The following KIRREL3 variants were observed in gnomAD, a reference collection of about 807,000 sequenced individuals.
KIRREL3 encodes the protein kin of IRRE-like protein 3.
KIRREL3 carries 36 observed loss-of-function variants against 89.7 expected under a neutral mutation model. That is an observed-to-expected ratio of 0.40 (90% CI 0.31 to 0.53). The LOEUF (loss-of-function observed/expected upper bound fraction) is 0.53, where lower values mean the gene tolerates loss of function less well. KIRREL3 is among the 20% of genes least tolerant of loss of function. The probability of loss-of-function intolerance (pLI) is 0.49; values close to 1 mark genes in which losing one functional copy is unlikely to be tolerated. For synonymous variants in KIRREL3, 445 were observed against 441.4 expected, an observed-to-expected ratio of 1.01 and a Z score of -0.10; for missense variants, 864 against 1,056.6, an observed-to-expected ratio of 0.82 and a Z score of 2.53.
At position 126,611,428 on chromosome 11, in the gene KIRREL3, C is replaced by T. The variant is rs948816237; in HGVS notation, c.56-48516G>A. ...ATCCATCAGTCTGCATTCTCCTTGC[C>T]GTCCTTGGTATGCACACACATGCAT... On this transcript the variant is annotated intron_variant, in intron 1 of 16. Transcript: ENST00000525144. The surrounding 1 kb of genome is among the most constrained non-coding windows in gnomAD (Gnocchi z 4.7). Among the ~76,000 whole-genome samples, 2 of 152,142 alleles carry T rather than the reference C, an allele frequency of 1.3e-5. No individual in the cohort carries two copies. Among genetic ancestry groups the T allele is most frequent in the Admixed American group, 6.5e-5 (1 of 15,282 alleles).
Position 126,668,882 on chromosome 11 carries a change from G to A in KIRREL3, c.56-105970C>T, listed in dbSNP as rs1327203276. On this transcript the variant is annotated intron_variant, in intron 1 of 16. Coordinates refer to ENST00000525144, the MANE Select transcript of KIRREL3 (RefSeq NM_032531.4). This position sits in a 1 kb window ranked among gnomAD's most constrained non-coding sequence, Gnocchi z 4.4. ...CTGCTAAGAATCTATTCCTATAGGC[G>A]TTTGGTCATTGCAGGGTTAAGAAAA... Among the ~76,000 whole-genome samples, 4 of 151,850 alleles carry A rather than the reference G, an allele frequency of 2.6e-5. No individual in the cohort carries two copies. Among genetic ancestry groups the A allele is most frequent in the Non-Finnish European group, 4.4e-5 (3 of 68,000 alleles).
In KIRREL3 at chr11:126,981,623, G is replaced by C. The variant is rs1412076060; in HGVS notation, c.55+18832C>G. Among the ~76,000 whole-genome samples the C allele has an allele frequency of 1.3e-5, 2 of 152,228 alleles. No homozygotes were observed. Among genetic ancestry groups the C allele is most frequent in the Non-Finnish European group, 2.9e-5 (2 of 68,048 alleles). On this transcript the variant is annotated intron_variant, in intron 1 of 16. Transcript: ENST00000525144. This position sits in a 1 kb window ranked among gnomAD's most constrained non-coding sequence, Gnocchi z 4.2. ...AAGACATCTTGCCTTTTATGGCACT[G>C]TTAAAACCACACATTTGGGTGTCGG...
chr11:126,542,899 T>G (rs1174675394), intron 2 of KIRREL3, among the ~76,000 whole-genome samples: 1 of 152,208 alleles, frequency 6.6e-6, no homozygotes, highest in African/African-American at 2.4e-5. Context: ...GCCCTGGGAT[T>G]GTGGGCCGTC....
rs943831069 is a variant in KIRREL3 at position 126,608,268 on chromosome 11, T to C, written c.56-45356A>G. On this transcript the variant is annotated intron_variant, in intron 1 of 16. Coordinates refer to ENST00000525144, the MANE Select transcript of KIRREL3 (RefSeq NM_032531.4). This position sits in a 1 kb window ranked among gnomAD's most constrained non-coding sequence, Gnocchi z 4.9. ...CCCCGCTGGGAGCCTCCTATCCACC[T>C]GGCAGGCGTTTGGAACAACGTGCTG... Among the ~76,000 whole-genome samples, 22 of 152,178 alleles carry C rather than the reference T, an allele frequency of 1.4e-4. No individual in the cohort carries two copies. Among genetic ancestry groups the C allele is most frequent in the East Asian group, 7.7e-4 (4 of 5,186 alleles).
At position 126,795,245 on chromosome 11, in the gene KIRREL3, A is replaced by G. The variant is rs1206348335; in HGVS notation, c.55+205210T>C. On this transcript the variant is annotated intron_variant, in intron 1 of 16. Transcript: ENST00000525144. This position sits in a 1 kb window ranked among gnomAD's most constrained non-coding sequence, Gnocchi z 4.1. ...TAATGTAAACTAGGGACTTCAATTC[A>G]TAACAATGTATCTATATTGGCTTAC... 2.6e-5 allele frequency among the ~76,000 whole-genome samples: 4 copies of G among 152,278 alleles called. No individual in the cohort carries two copies. The highest frequency in any genetic ancestry group is 5.9e-5 in the Non-Finnish European group (4 of 68,056).
chr11:126,478,553 ATG>A (rs767635373), intron 4 of KIRREL3, among the ~76,000 whole-genome samples: 6 of 151,038 alleles, frequency 4.0e-5, no homozygotes, highest in African/African-American at 1.2e-4. Context: ...ATGTGTGTAT[ATG>A]TGTGTATGTG....
In KIRREL3 at chr11:126,431,455, T is replaced by G; in HGVS notation, c.1660A>C (p.Thr554Pro). 1.9e-6 allele frequency: 3 copies of G among 1,614,036 alleles called. No individual in the cohort carries two copies. The highest frequency in any genetic ancestry group is 2.5e-6 in the Non-Finnish European group (3 of 1,179,890). The stretch of plus-strand genomic sequence containing the variant: ...CGGGCACAGCAGAACGCCACGATGG[T>G]TGCCATAAGGACGAGGAAGGCCACA... ...AGVAFLVLMA[T>P]IVAFCCARSQ... The change falls in exon 14 of 17, where the codon ACC (threonine) becomes CCC (proline). Residue 554 changes from threonine to proline, a missense_variant. Transcript: ENST00000525144. The surrounding 1 kb of genome is among the most constrained non-coding windows in gnomAD (Gnocchi z 7.1).
In KIRREL3 at chr11:126,689,427, T is replaced by C. The variant is rs1430496890; in HGVS notation, c.56-126515A>G. ...TATCATTTAACAGCCCTGTCCAAAG[T>C]GCTTGCTGGAGATCACAGGGCTAGG... is the stretch of plus-strand genomic sequence containing the variant. On this transcript the variant is annotated intron_variant, in intron 1 of 16. Coordinates refer to ENST00000525144, the MANE Select transcript of KIRREL3 (RefSeq NM_032531.4). The surrounding 1 kb of genome is among the most constrained non-coding windows in gnomAD (Gnocchi z 5.2). 6.6e-6 allele frequency among the ~76,000 whole-genome samples: 1 copy of C among 152,206 alleles called. No individual in the cohort carries two copies. The highest frequency in any genetic ancestry group is 1.5e-5 in the Non-Finnish European group (1 of 68,036).
At chr11:126,785,652 C>T (rs148911960) in intron 1 of KIRREL3, among the ~76,000 whole-genome samples, 190 of 151,978 alleles carry the variant, frequency 1.3e-3, no homozygotes, top group African/African-American at 4.3e-3. Context: ...CTGAGGTGGG[C>T]GGATCATGAA....
intron 4 of KIRREL3, among the ~76,000 whole-genome samples, chr11:126,473,799 T>C (rs1390671499): frequency 6.6e-6 from 1 of 152,062 alleles, no homozygotes; most frequent in African/African-American, 2.4e-5. Context: ...GCTTTTTAAC[T>C]TCTTTTTCCT....
chr11:126,720,547 A>G (rs1948129633), intron 1 of KIRREL3, among the ~76,000 whole-genome samples: 2 of 152,250 alleles, frequency 1.3e-5, no homozygotes, highest in East Asian at 1.9e-4. Context: ...AAAAATTGCA[A>G]AAAACAAAAT....
chr11:126,618,596 GGCTAA>G lies in KIRREL3; in HGVS notation c.56-55689_56-55685del, dbSNP rs565193973. ...ATTACAGGCATGCACCACCATACCTGGCTAATTTTTATGTCTTTAGTAGAGACAAG... is the reference window on the plus strand; with the variant it reads ...ATTACAGGCATGCACCACCATACCTGTTTTTATGTCTTTAGTAGAGACAAG... On this transcript the variant is annotated intron_variant, in intron 1 of 16. Coordinates refer to ENST00000525144, the MANE Select transcript of KIRREL3 (RefSeq NM_032531.4). Among the ~76,000 whole-genome samples, 487 of 152,252 alleles carry G rather than the reference GGCTAA, an allele frequency of 3.2e-3. 1 individual carries two copies. The highest frequency in any genetic ancestry group is 5.2e-3 in the Non-Finnish European group (357 of 68,008).
intron 1 of KIRREL3, among the ~76,000 whole-genome samples, chr11:126,707,354 A>T (rs533651141): frequency 3.2e-4 from 48 of 151,146 alleles, no homozygotes; most frequent in African/African-American, 1.2e-3. Context: ...ATCTAGGCGG[A>T]ATTTGTCTTG....
At chr11:126,756,112 C>T (rs540014848) in intron 1 of KIRREL3, among the ~76,000 whole-genome samples, 220 of 152,274 alleles carry the variant, frequency 1.4e-3, no homozygotes, top group African/African-American at 5.1e-3. Flanking sequence ...GCCAATAAAG[C>T]TCATATTGTT....
In KIRREL3 at chr11:126,561,880, A is replaced by G. The variant is rs1940150015; in HGVS notation, c.133+955T>C. On this transcript the variant is annotated intron_variant, in intron 2 of 16. Coordinates refer to ENST00000525144, the MANE Select transcript of KIRREL3 (RefSeq NM_032531.4). This position sits in a 1 kb window ranked among gnomAD's most constrained non-coding sequence, Gnocchi z 4.5. Reference sequence around the variant, plus strand: ...TCGGGGTTGGGAGGAGAGACAGCTGAGGAGCTTGGAAAGAGGGCACTGAGA... The same window carrying G: ...TCGGGGTTGGGAGGAGAGACAGCTGGGGAGCTTGGAAAGAGGGCACTGAGA... Among the ~76,000 whole-genome samples, 3 of 152,110 alleles carry G rather than the reference A, an allele frequency of 2.0e-5. No homozygotes were observed. Among genetic ancestry groups the G allele is most frequent in the Non-Finnish European group, 4.4e-5 (3 of 68,020 alleles).
chr11:126,745,695 C>G (rs1452515454), intron 1 of KIRREL3, among the ~76,000 whole-genome samples: 1 of 152,176 alleles, frequency 6.6e-6, no homozygotes, highest in African/African-American at 2.4e-5. Flanking sequence ...GAGCTTCACC[C>G]CCTTGGTGCT....
At chr11:126,874,252 T>C (rs1244464734) in intron 1 of KIRREL3, among the ~76,000 whole-genome samples, 1 of 152,226 alleles carries the variant, frequency 6.6e-6, no homozygotes, top group Non-Finnish European at 1.5e-5. Flanking sequence ...TGGTTTACAG[T>C]AGAGTCAAAA....
rs1354321177 is a variant in KIRREL3, at chr11:126,564,919, A to T, written c.56-2007T>A. On this transcript the variant is annotated intron_variant, in intron 1 of 16. Coordinates refer to ENST00000525144, the MANE Select transcript of KIRREL3 (RefSeq NM_032531.4). The surrounding 1 kb of genome is among the most constrained non-coding windows in gnomAD (Gnocchi z 7.4). ...ACCAGCCCATTGTAATTGCACACGCATTGTTCATCATTAGAATGATACAAT... is the reference window on the plus strand; with the variant it reads ...ACCAGCCCATTGTAATTGCACACGCTTTGTTCATCATTAGAATGATACAAT... Among the ~76,000 whole-genome samples the T allele has an allele frequency of 6.6e-6, 1 of 152,202 alleles. No homozygotes were observed. Among genetic ancestry groups the T allele is most frequent in the Non-Finnish European group, 1.5e-5 (1 of 68,040 alleles).
At chr11:126,446,978 C>G (rs182869696) in intron 8 of KIRREL3, 92 bp from the exon 9 acceptor site, 5 of 1,480,324 alleles carry the variant, frequency 3.4e-6, no homozygotes, top group Non-Finnish European at 4.6e-6. Context: ...TAGACCTTGA[C>G]TGGGGGGAGG....
Sources: allele counts gnomAD v4.1 joint callset (sites outside exome capture counted in the v4.1 genomes callset), GRCh38; gene constraint gnomAD v4.1.1; non-coding constraint Gnocchi (gnomAD v3.1); transcripts MANE v1.5; gene names NCBI Gene and HGNC (gene_info 2026-07-23, HGNC 2026-07-21).